Variants in MAP2K2 observed in about 807,000 individuals in gnomAD.
MAP2K2 encodes dual specificity mitogen-activated protein kinase kinase 2.
In MAP2K2, 24 loss-of-function variants were observed where a neutral mutation model predicts 43.7. The observed-to-expected ratio is 0.55, with a 90% CI of 0.40 to 0.77. The LOEUF is 0.77. Among genes scored for constraint, MAP2K2 ranks in the 30% least tolerant of loss-of-function variants. The probability of loss-of-function intolerance (pLI) is 0.00; values close to 1 mark genes in which losing one functional copy is unlikely to be tolerated. For missense variants in MAP2K2, 470 were observed against 566.8 expected (o/e 0.83, Z 1.73); for synonymous variants, 244 against 239.7 (o/e 1.02, Z -0.17).
chr19:4,114,907 G>A (rs1212762524), intron 2 of MAP2K2, among the ~76,000 whole-genome samples: 1 of 152,102 alleles, frequency 6.6e-6, no homozygotes, highest in Admixed American at 6.6e-5. Flanking sequence ...TCCAGTCTGG[G>A]TGACAGAGCG....
intron 2 of MAP2K2, among the ~76,000 whole-genome samples, chr19:4,112,529 G>A (rs2041166868): frequency 6.6e-6 from 1 of 152,200 alleles, no homozygotes; most frequent in Non-Finnish European, 1.5e-5. Flanking sequence ...TGTGTGGGGA[G>A]TGGCCCCTGC....
chr19:4,097,705 C>T (rs874832), intron 7 of MAP2K2, among the ~76,000 whole-genome samples: 1 of 152,222 alleles, frequency 6.6e-6, no homozygotes, highest in African/African-American at 2.4e-5. Context: ...AGGACAGCCG[C>T]GTGACCTTGC....
At chr19:4,098,627 G>A (rs941977635) in intron 7 of MAP2K2, among the ~76,000 whole-genome samples, 4 of 152,154 alleles carry the variant, frequency 2.6e-5, no homozygotes, top group Admixed American at 6.5e-5. Flanking sequence ...GGGAGCTCCC[G>A]CTCCCGAGGT....
In MAP2K2 at chr19:4,118,918, T is replaced by A. The variant is rs980969402; in HGVS notation, c.93-1289A>T. Among the ~76,000 whole-genome samples the A allele has an allele frequency of 8.5e-5, 13 of 152,284 alleles. No homozygotes were observed. The East Asian group carries it at 2.5e-3, about 29-fold the overall frequency. On this transcript the variant is annotated intron_variant, in intron 1 of 10. Transcript: ENST00000262948. ...CTTGACTCAGAACCAGATCCTGGAG[T>A]AACAGACAACTAAGCGCAATGCACA...
intron 3 of MAP2K2, chr19:4,103,472 G>A (rs1232000630): frequency 7.1e-6 from 1 of 140,524 alleles, no homozygotes; most frequent in East Asian, 2.3e-4. Flanking sequence ...CCACCGTCTG[G>A]CGTGCGTCTC....
chr19:4,123,686 G>A (rs1223704113), intron 1 of MAP2K2, 98 bp downstream of exon 1: 8 of 448,252 alleles, frequency 1.8e-5, no homozygotes, highest in Non-Finnish European at 2.6e-5. Context: ...CCCCTGCCTC[G>A]TGCACTCCTC....
chr19:4,120,873 C>T (rs936079661), intron 1 of MAP2K2, among the ~76,000 whole-genome samples: 1 of 145,374 alleles, frequency 6.9e-6, no homozygotes, highest in East Asian at 1.9e-4. Context: ...GAATGAGGAA[C>T]GGGTCCCCGT....
At chr19:4,090,992 C>T (rs1411136382) in intron 10 of MAP2K2, among the ~76,000 whole-genome samples, 2 of 152,230 alleles carry the variant, frequency 1.3e-5, no homozygotes, top group Non-Finnish European at 2.9e-5. Context: ...AGGGTCTACG[C>T]TCGCGCAAGC....
At chr19:4,096,035 A>G (rs76479318) in intron 8 of MAP2K2, among the ~76,000 whole-genome samples, 2,338 of 152,304 alleles carry the variant, frequency 0.015, 55 homozygotes, top group African/African-American at 0.054. Flanking sequence ...GTGGCCTCCC[A>G]AAGTGCTGGA....
In MAP2K2 at chr19:4,123,855, C is replaced by T. The variant is rs1157988341; in HGVS notation, c.21G>A (p.Pro7=). 1 of 1,514,236 alleles carries T rather than the reference C, an allele frequency of 6.6e-7. No individual in the cohort carries two copies. The highest frequency in any genetic ancestry group is 1.2e-5 in the South Asian group (1 of 80,670). The allele number at this position is 1,514,236 out of a possible 1,614,324, so 93.8% of individuals were successfully genotyped here. Residue 7 remains proline, a synonymous_variant, in exon 1 of 11, where the codon CCG becomes CCA. Coordinates refer to ENST00000262948, the MANE Select transcript of MAP2K2 (RefSeq NM_030662.4). ...GGTTGATGGTGAGCGCCGGCAGCACCGGCTTCCTCCGGGCCAGCATCGGGG... is the reference window on the plus strand; with the variant it reads ...GGTTGATGGTGAGCGCCGGCAGCACTGGCTTCCTCCGGGCCAGCATCGGGG... MLARRK[P]VLPALTINPT... is the part of the protein sequence containing the mutation.
In MAP2K2 at chr19:4,099,203, C is replaced by A. The variant is rs1172317151; in HGVS notation, c.917G>T (p.Ser306Ile). The A allele has an allele frequency of 1.2e-5, 19 of 1,600,704 alleles. No individual in the cohort carries two copies. In the East Asian group the frequency reaches 3.8e-4, roughly 32 times the overall value. Residue 306 changes from serine to isoleucine, a missense_variant and splice_region_variant, in exon 7 of 11, where the codon AGC becomes ATC. Ser to Ile is a moderately radical substitution (Grantham distance 142). Coordinates refer to ENST00000262948, the MANE Select transcript of MAP2K2 (RefSeq NM_030662.4). ...PRPRPPGRPV[S>I]GHGMDSRPAM... is the part of the protein sequence containing the mutation. ...GAAGTTGCAGATTCAGGCCGTACCG[C>A]TGACGGGGCGCCCGGGGGGCCTCGG...
At chr19:4,106,844 CT>C (rs2041090488) in intron 3 of MAP2K2, among the ~76,000 whole-genome samples, 1 of 152,246 alleles carries the variant, frequency 6.6e-6, no homozygotes, top group South Asian at 2.1e-4. Context: ...TAATCACTCC[CT>C]TACTGATGGA....
chr19:4,112,459 G>A (rs1474790070), intron 2 of MAP2K2, among the ~76,000 whole-genome samples: 1 of 152,240 alleles, frequency 6.6e-6, no homozygotes, highest in African/African-American at 2.4e-5. Context: ...ACGGAGGCAT[G>A]AAGGAGCCCT....
intron 3 of MAP2K2, 39 bp from the exon 4 acceptor site, chr19:4,102,492 G>C (rs2041028612): frequency 1.3e-6 from 2 of 1,490,142 alleles, no homozygotes; most frequent in African/African-American, 1.4e-5. Flanking sequence ...GCTCTGCGCA[G>C]GTGGCCGGGA....
Position 4,101,098 on chromosome 19 carries a change from T to C in MAP2K2, c.626A>G (p.Lys209Arg), listed in dbSNP as rs1018797594. Residue 209 changes from lysine (K) to arginine (R), a missense_variant, in exon 6 of 11, where the codon AAG becomes AGG. By Grantham distance (26) the Lys-to-Arg change is conservative. Coordinates refer to ENST00000262948, the MANE Select transcript of MAP2K2 (RefSeq NM_030662.4). The surrounding 1 kb of genome is among the most constrained non-coding windows in gnomAD (Gnocchi z 6.3). The stretch of plus-strand genomic sequence containing the variant: ...GCCGCTCACCCCGAAGTCACACAGC[T>C]TGATCTCCCCTCTAGAGTTCACGAG... ...NILVNSRGEI[K>R]LCDFGVSGQL... 1.9e-6 allele frequency: 3 copies of C among 1,605,936 alleles called. No individual in the cohort carries two copies. Among genetic ancestry groups the C allele is most frequent in the Non-Finnish European group, 2.5e-6 (3 of 1,176,490 alleles).
At chr19:4,099,065 C>T (rs2040961181) in intron 7 of MAP2K2, 136 bp downstream of exon 7, 1 of 745,478 alleles carries the variant, frequency 1.3e-6, no homozygotes, top group Non-Finnish European at 2.2e-6. Context: ...GGGAGGACTG[C>T]TGACCACAGT....
intron 7 of MAP2K2, among the ~76,000 whole-genome samples, 173 bp from the exon 8 acceptor site, chr19:4,097,516 C>T (rs1286872607): frequency 2.6e-5 from 4 of 152,128 alleles, no homozygotes; most frequent in Non-Finnish European, 5.9e-5. Flanking sequence ...ACTCTGGGTT[C>T]CATTCCCTGG....
chr19:4,097,156 T>TG, intron 8 of MAP2K2, 123 bp downstream of exon 8: 1 of 733,804 alleles, frequency 1.4e-6, no homozygotes, highest in Middle Eastern at 3.3e-4. Context: ...AAGGCACCAC[T>TG]GTACTCCAGC....
intron 10 of MAP2K2, among the ~76,000 whole-genome samples, chr19:4,092,160 C>G (rs1269279327): frequency 6.6e-6 from 1 of 152,206 alleles, no homozygotes; most frequent in Non-Finnish European, 1.5e-5. Flanking sequence ...AATGCTGCCT[C>G]TTTTGCAGCT....
Sources: gnomAD v4.1 joint callset for allele counts (sites outside exome capture counted in the v4.1 genomes callset) on GRCh38, gnomAD v4.1.1 for gene constraint, Gnocchi (gnomAD v3.1) non-coding constraint, MANE v1.5 for transcripts, NCBI Gene and HGNC (gene_info 2026-07-23, HGNC 2026-07-21) for gene names.